C12orf42: variants seen among roughly 807,000 people sequenced by gnomAD.
C12orf42 encodes chromosome 12 open reading frame 42.
In C12orf42, 25 loss-of-function variants were observed where a neutral mutation model predicts 21.6. That is an observed-to-expected ratio of 1.16 (90% CI 0.84 to 1.62). C12orf42 has a LOEUF of 1.62. Among genes scored for constraint, C12orf42 ranks in the 40% most tolerant of loss-of-function variants. The pLI is 0.00. For missense variants in C12orf42, 483 were observed against 459.3 expected (o/e 1.05, Z -0.47); for synonymous variants, 174 against 175.0 (o/e 0.99, Z 0.05).
At chr12:103,518,610 C>T in the C12orf42 span, among the ~76,000 whole-genome samples, 1 of 152,108 alleles carries the variant, frequency 6.6e-6, no homozygotes, top group Admixed American at 6.5e-5. Context: ...TGTGTTTTTG[C>T]CCTGAATATG....
At chr12:103,135,708 C>A in the C12orf42 span, among the ~76,000 whole-genome samples, 1 of 152,052 alleles carries the variant, frequency 6.6e-6, no homozygotes, top group Non-Finnish European at 1.5e-5. Context: ...AATAATAGAC[C>A]ATGACCAAGG....
At chr12:103,561,784 G>T in the C12orf42 span, among the ~76,000 whole-genome samples, 1 of 152,124 alleles carries the variant, frequency 6.6e-6, no homozygotes, top group Non-Finnish European at 1.5e-5. Context: ...GTCTTTTCTT[G>T]TCTCACTATC....
intron 3 of C12orf42, among the ~76,000 whole-genome samples, chr12:103,377,517 G>A (rs950905790): frequency 6.6e-6 from 1 of 152,108 alleles, no homozygotes; most frequent in Non-Finnish European, 1.5e-5. Flanking sequence ...ATTCTGGGTA[G>A]AGAGCAGGAG....
At chr12:103,170,026 T>C in the C12orf42 span, among the ~76,000 whole-genome samples, 6 of 152,086 alleles carry the variant, frequency 3.9e-5, no homozygotes, top group Non-Finnish European at 7.4e-5. Flanking sequence ...GATCAAAAAA[T>C]TGGAAAGTCA....
the C12orf42 span, among the ~76,000 whole-genome samples, chr12:103,097,009 A>G: frequency 6.6e-6 from 1 of 152,226 alleles, no homozygotes; most frequent in Non-Finnish European, 1.5e-5. Context: ...TCTACTAAAG[A>G]GTGTACTTTC....
intron 5 of C12orf42, among the ~76,000 whole-genome samples, chr12:103,304,019 C>T (rs2038018644): frequency 1.3e-5 from 2 of 151,902 alleles, no homozygotes; most frequent in African/African-American, 4.8e-5. Flanking sequence ...ATGTCTTGAG[C>T]CAAAAAAATA....
At chr12:103,427,013 T>C (rs1168384334) in intron 2 of C12orf42, among the ~76,000 whole-genome samples, 1 of 151,966 alleles carries the variant, frequency 6.6e-6, no homozygotes, top group African/African-American at 2.4e-5. Flanking sequence ...CATACCAAAC[T>C]GTAAAGACCA....
At chr12:103,296,342 A>G (rs2037283403) in intron 4 of C12orf42, among the ~76,000 whole-genome samples, 1 of 152,058 alleles carries the variant, frequency 6.6e-6, no homozygotes, top group Non-Finnish European at 1.5e-5. Context: ...ATGTGTCTTT[A>G]TAGCAGCATG....
At chr12:103,132,318 G>A in the C12orf42 span, among the ~76,000 whole-genome samples, 1 of 133,382 alleles carries the variant, frequency 7.5e-6, no homozygotes, top group Admixed American at 7.7e-5. Context: ...ACTCTACAGG[G>A]CTTGGCTGGG....
intron 5 of C12orf42, among the ~76,000 whole-genome samples, chr12:103,303,979 G>A (rs1212072569): frequency 6.6e-6 from 1 of 152,138 alleles, no homozygotes; most frequent in South Asian, 2.1e-4. Context: ...TGGAGCAACA[G>A]GGCATGACCT....
chr12:103,091,095 C>A, the C12orf42 span, among the ~76,000 whole-genome samples: 1 of 152,076 alleles, frequency 6.6e-6, no homozygotes, highest in Middle Eastern at 3.4e-3. Flanking sequence ...ATTTTTGAAT[C>A]TATAGCCAGT....
At chr12:103,118,570 G>A in the C12orf42 span, among the ~76,000 whole-genome samples, 873 of 152,050 alleles carry the variant, frequency 5.7e-3, 11 homozygotes, top group South Asian at 0.033. Context: ...AGGCCAAGGC[G>A]GGCGGATCAC....
At chr12:103,134,857 C>T in the C12orf42 span, among the ~76,000 whole-genome samples, 1 of 152,098 alleles carries the variant, frequency 6.6e-6, no homozygotes, top group East Asian at 1.9e-4. Context: ...ATTCTAAAAA[C>T]ATGAAGAAAA....
chr12:103,081,532 A>G, the C12orf42 span: 2 of 152,138 alleles, frequency 1.3e-5, no homozygotes, highest in Non-Finnish European at 2.9e-5. Flanking sequence ...ATCTTCTTGT[A>G]GTTTCCTGAA....
At chr12:103,095,053 T>C in the C12orf42 span, among the ~76,000 whole-genome samples, 2 of 152,322 alleles carry the variant, frequency 1.3e-5, no homozygotes, top group African/African-American at 2.4e-5. Context: ...CAGAATCAAT[T>C]GGAAAATCCC....
chr12:103,177,083 G>A, the C12orf42 span, among the ~76,000 whole-genome samples: 16 of 151,862 alleles, frequency 1.1e-4, no homozygotes, highest in Non-Finnish European at 1.9e-4. Flanking sequence ...TGTTAGGATA[G>A]CACTTGCCTG....
At chr12:103,049,505 A>G in the C12orf42 span, among the ~76,000 whole-genome samples, 1 of 152,052 alleles carries the variant, frequency 6.6e-6, no homozygotes, top group African/African-American at 2.4e-5. Flanking sequence ...TCCTTGCCCC[A>G]TACTTCTGTT....
chr12:103,476,668 T>G (rs1259298464), intron 2 of C12orf42, among the ~76,000 whole-genome samples: 1 of 152,214 alleles, frequency 6.6e-6, no homozygotes, highest in African/African-American at 2.4e-5. Context: ...AGTAAATGTG[T>G]ACTTTATGAC....
chr12:103,095,594 C>G, the C12orf42 span, among the ~76,000 whole-genome samples: 9 of 152,304 alleles, frequency 5.9e-5, no homozygotes, highest in Middle Eastern at 3.4e-3. Flanking sequence ...CCCTACAATG[C>G]ATTGCCTTCC....
Sources: gnomAD v4.1 joint callset for allele counts (sites outside exome capture counted in the v4.1 genomes callset) on GRCh38, gnomAD v4.1.1 for gene constraint, MANE v1.5 for transcripts, NCBI Gene and HGNC (gene_info 2026-07-23, HGNC 2026-07-21) for gene names.